ST3GAL3: variants seen among roughly 807,000 people sequenced by gnomAD.
ST3GAL3 encodes CMP-N-acetylneuraminate-beta-1,4-galactoside alpha-2,3-sialyltransferase.
A neutral mutation model predicts 50.1 loss-of-function variants in ST3GAL3; 21 were observed. The observed-to-expected ratio is 0.42, with a 90% CI of 0.30 to 0.60. ST3GAL3 has a LOEUF of 0.60. ST3GAL3 is among the 20% of genes least tolerant of loss of function. ST3GAL3 has a pLI of 0.19. For synonymous variants in ST3GAL3, 183 were observed against 190.0 expected (o/e 0.96, Z 0.30); for missense variants, 353 against 489.4 (o/e 0.72, Z 2.63).
At chr1:43,904,619 T>C (rs1029754339) in intron 9 of ST3GAL3, among the ~76,000 whole-genome samples, 4 of 151,834 alleles carry the variant, frequency 2.6e-5, no homozygotes, top group Admixed American at 6.6e-5. Context: ...CCTCACTGTC[T>C]TCTGTAAGCT....
intron 2 of ST3GAL3, among the ~76,000 whole-genome samples, chr1:43,765,849 G>C (rs972887351): frequency 1.3e-5 from 2 of 151,548 alleles, no homozygotes; most frequent in Non-Finnish European, 2.9e-5. Context: ...GGAGAAGATT[G>C]AGAAGCTTCT....
chr1:43,833,352 T>C (rs58655857), intron 4 of ST3GAL3, among the ~76,000 whole-genome samples: 2 of 152,314 alleles, frequency 1.3e-5, no homozygotes, highest in African/African-American at 2.4e-5. Flanking sequence ...GAGAGAAAGA[T>C]ATTTAAATGG....
chr1:43,911,604 T>C (rs1341189862), intron 9 of ST3GAL3, among the ~76,000 whole-genome samples: 1 of 150,902 alleles, frequency 6.6e-6, no homozygotes, highest in East Asian at 1.9e-4. Context: ...TCTGTAGCTA[T>C]AGATATCTAC....
intron 2 of ST3GAL3, among the ~76,000 whole-genome samples, chr1:43,757,456 A>G (rs1688550174): frequency 6.6e-6 from 1 of 152,250 alleles, no homozygotes; most frequent in Admixed American, 6.5e-5. Flanking sequence ...GTATAAAGAT[A>G]GATATATAGA....
chr1:43,736,138 T>C, intron 1 of ST3GAL3, 95 bp from the exon 2 acceptor site: 2 of 1,224,610 alleles, frequency 1.6e-6, no homozygotes, highest in Non-Finnish European at 2.4e-6. Context: ...TAAGTTATTC[T>C]TCATTTGGAA....
chr1:43,842,335 G>A (rs2065528038), intron 5 of ST3GAL3: 1 of 151,892 alleles, frequency 6.6e-6, no homozygotes, highest in Non-Finnish European at 1.5e-5. Flanking sequence ...CCAATTTTAT[G>A]TATTAGGCCA....
intron 5 of ST3GAL3, among the ~76,000 whole-genome samples, chr1:43,882,907 T>C (rs1412889908): frequency 6.6e-6 from 1 of 152,128 alleles, no homozygotes; most frequent in Non-Finnish European, 1.5e-5. Context: ...GAGAAGACCA[T>C]GGTGCATAGC....
rs376627212 is a variant in ST3GAL3, at chr1:43,899,667, C to T, written c.684C>T (p.Leu228=). 2.6e-5 allele frequency: 42 copies of T among 1,614,170 alleles called. No homozygotes were observed. In the Admixed American group the frequency reaches 3.0e-4, roughly 12 times the overall value. The change falls in exon 9 of 12, where the codon CTC becomes CTT. Residue 228 remains leucine (L), a synonymous_variant. Coordinates refer to ENST00000347631, the MANE Select transcript of ST3GAL3 (RefSeq NM_006279.5). This position sits in a 1 kb window ranked among gnomAD's most constrained non-coding sequence, Gnocchi z 5.4. The part of the protein sequence containing the change: ...EQYERDSLFV[L]AGFKWQDFKW... ...ACGAGCGCGATTCTCTCTTTGTCCT[C>T]GCCGGCTTCAAGTGGCAGGACTTTA...
intron 4 of ST3GAL3, chr1:43,819,324 C>T (rs1176478800): frequency 6.6e-6 from 1 of 152,160 alleles, no homozygotes; most frequent in Non-Finnish European, 1.5e-5. Flanking sequence ...AGCTCCTGAC[C>T]TTGGGTGATC....
At chr1:43,884,911 C>T (rs995846880) in intron 5 of ST3GAL3, among the ~76,000 whole-genome samples, 4 of 152,162 alleles carry the variant, frequency 2.6e-5, no homozygotes, top group Non-Finnish European at 5.9e-5. Flanking sequence ...AAGACCCTAC[C>T]CTAGATCTGC....
At chr1:43,836,441 G>A (rs1175308499) in intron 4 of ST3GAL3, among the ~76,000 whole-genome samples, 2 of 152,200 alleles carry the variant, frequency 1.3e-5, no homozygotes, top group African/African-American at 2.4e-5. Flanking sequence ...TGTGTTCAAT[G>A]AGCAGTTACT....
At chr1:43,881,585 CAG>C (rs2075139092) in intron 5 of ST3GAL3, among the ~76,000 whole-genome samples, 2 of 152,234 alleles carry the variant, frequency 1.3e-5, no homozygotes, top group Admixed American at 1.3e-4. Context: ...AGGCTGTCAG[CAG>C]AGTCAGTGGG....
chr1:43,776,868 G>T (rs1390794306), intron 2 of ST3GAL3, among the ~76,000 whole-genome samples: 1 of 152,140 alleles, frequency 6.6e-6, no homozygotes, highest in Non-Finnish European at 1.5e-5. Flanking sequence ...TTTCTCATGA[G>T]AAAGTATAAA....
Position 43,865,192 on chromosome 1 carries a change from G to A in ST3GAL3, c.302+26881G>A, listed in dbSNP as rs547572651. 2.1e-3 allele frequency among the ~76,000 whole-genome samples: 321 copies of A among 151,410 alleles called. 2 individuals are homozygous for A. The highest frequency in any genetic ancestry group is 7.6e-3 in the African/African-American group (313 of 41,312). On this transcript the variant is annotated intron_variant, in intron 5 of 11. Coordinates refer to ENST00000347631, the MANE Select transcript of ST3GAL3 (RefSeq NM_006279.5). ...CCACCACGCCCGGCTATTTTTTTTT[G>A]TATTTTTAATAGAGACGGGGTTTCA... is the stretch of plus-strand genomic sequence containing the variant.
In ST3GAL3 at chr1:43,737,348, A is replaced by T. The variant is rs571739908; in HGVS notation, c.118+968A>T. 6.6e-6 allele frequency: 1 copy of T among 152,332 alleles called. No homozygotes were observed. The highest frequency in any genetic ancestry group is 1.9e-4 in the East Asian group (1 of 5,184). 9.4% of individuals were successfully genotyped at this position (152,332 alleles called of 1,614,324 possible). A position where few individuals can be genotyped will look rare whatever the true frequency, so the allele number is the denominator to read the frequency against. On this transcript the variant is annotated intron_variant, in intron 2 of 11. Coordinates refer to ENST00000347631, the MANE Select transcript of ST3GAL3 (RefSeq NM_006279.5). The surrounding 1 kb of genome is among the most constrained non-coding windows in gnomAD (Gnocchi z 4.0). ...GTGAAAGTGAGCTGCAGTGAGTGGG[A>T]AGAAGCAACGGGCAATTGGCCTGCT...
chr1:43,878,930 A>T lies in ST3GAL3; in HGVS notation c.303-15453A>T, dbSNP rs756665059. ...AACAGAATGGGCAGCTCCTGTTCAC[A>T]TGGAGACCCTCCAGATAATTACACC... On this transcript the variant is annotated intron_variant, in intron 5 of 11. Coordinates refer to ENST00000347631, the MANE Select transcript of ST3GAL3 (RefSeq NM_006279.5). 5.9e-5 allele frequency: 26 copies of T among 439,654 alleles called. 1 individual carries two copies. The highest frequency in any genetic ancestry group is 1.1e-4 in the Non-Finnish European group (23 of 217,634). The allele number at this position is 439,654 out of a possible 1,614,324, so 27.2% of individuals were successfully genotyped here.
chr1:43,926,176 C>T, intron 11 of ST3GAL3, among the ~76,000 whole-genome samples: 1 of 152,172 alleles, frequency 6.6e-6, no homozygotes, highest in East Asian at 1.9e-4. Flanking sequence ...GTTAGCACAG[C>T]CGCTTCTTCA....
intron 3 of ST3GAL3, among the ~76,000 whole-genome samples, chr1:43,803,515 A>T (rs1172417815): frequency 1.3e-5 from 2 of 152,230 alleles, no homozygotes; most frequent in Non-Finnish European, 2.9e-5. Context: ...TCAGTGGTTT[A>T]TGATGGTAGA....
chr1:43,815,064 T>A, intron 4 of ST3GAL3, 131 bp downstream of exon 4: 1 of 930,058 alleles, frequency 1.1e-6, no homozygotes, highest in Non-Finnish European at 1.8e-6. Context: ...GTCCTCAGGC[T>A]GTCAGCAGAA....
Sources: allele counts gnomAD v4.1 joint callset (sites outside exome capture counted in the v4.1 genomes callset), GRCh38; gene constraint gnomAD v4.1.1; non-coding constraint Gnocchi (gnomAD v3.1); transcripts MANE v1.5; gene names NCBI Gene and HGNC (gene_info 2026-07-23, HGNC 2026-07-21).